The following SEMA3C variants were observed in gnomAD, a reference collection of about 807,000 sequenced individuals.
The protein encoded by SEMA3C is semaphorin-3C.
SEMA3C carries 47 observed loss-of-function variants against 89.4 expected under a neutral mutation model. The observed-to-expected ratio is 0.53, with a 90% confidence interval of 0.42 to 0.67. The LOEUF is 0.67. Among genes scored for constraint, SEMA3C ranks in the 30% least tolerant of loss-of-function variants. SEMA3C has a pLI of 0.00. For synonymous variants in SEMA3C, 310 were observed against 320.2 expected, an observed-to-expected ratio of 0.97 and a Z score of 0.34; for missense variants, 839 against 929.1, an observed-to-expected ratio of 0.90 and a Z score of 1.26.
At chr7:80,911,564 G>T (rs1206976562) in intron 2 of SEMA3C, among the ~76,000 whole-genome samples, 2 of 150,780 alleles carry the variant, frequency 1.3e-5, no homozygotes, top group African/African-American at 4.9e-5. Flanking sequence ...TTGATAAAGA[G>T]TTCAATTTAG....
chr7:80,824,133 G>A (rs1789817460), intron 4 of SEMA3C, among the ~76,000 whole-genome samples: 2 of 152,072 alleles, frequency 1.3e-5, no homozygotes, highest in Non-Finnish European at 2.9e-5. Flanking sequence ...AAATCTGAAG[G>A]ATTAAGGGAT....
intron 16 of SEMA3C, among the ~76,000 whole-genome samples, chr7:80,749,887 G>A (rs993616847): frequency 9.9e-5 from 15 of 152,034 alleles, no homozygotes; most frequent in Admixed American, 8.5e-4. Flanking sequence ...TTTGTTTGAT[G>A]TTACCTCCAC....
At chr7:80,913,231 T>C (rs1792194095) in intron 2 of SEMA3C, among the ~76,000 whole-genome samples, 1 of 152,018 alleles carries the variant, frequency 6.6e-6, no homozygotes, top group South Asian at 2.1e-4. Flanking sequence ...TGAAACCCTG[T>C]CTCTACTAAA....
chr7:80,805,460 T>C (rs921407899), intron 7 of SEMA3C, among the ~76,000 whole-genome samples, 179 bp downstream of exon 7: 1 of 152,128 alleles, frequency 6.6e-6, no homozygotes, highest in Non-Finnish European at 1.5e-5. Context: ...ATATGGACTA[T>C]GAGCTATTCA....
At position 80,802,683 on chromosome 7, in the gene SEMA3C, T is replaced by C. The variant is rs201887412; in HGVS notation, c.898A>G (p.Thr300Ala). ...TATGTACCTAATTCATCAAAGTGTG[T>C]TTCTGGGCCGTCTTCATCTGTTACC... Reference protein sequence around the residue: ...CSVTDEDGPETHFDELEDVFL... With the variant: ...CSVTDEDGPEAHFDELEDVFL... The change falls in exon 9 of 18, where the codon ACA (threonine) becomes GCA (alanine). Residue 300 changes from threonine to alanine, a missense_variant. Coordinates refer to ENST00000265361, the MANE Select transcript of SEMA3C (RefSeq NM_006379.5). 6.2e-7 allele frequency: 1 copy of C among 1,613,030 alleles called. No individual in the cohort carries two copies. The highest frequency in any genetic ancestry group is 2.2e-5 in the East Asian group (1 of 44,856).
At chr7:80,874,504 T>C (rs1233399106) in intron 2 of SEMA3C, among the ~76,000 whole-genome samples, 1 of 147,738 alleles carries the variant, frequency 6.8e-6, no homozygotes, top group Non-Finnish European at 1.5e-5. Context: ...TTCACTCTTG[T>C]TGCCCAGGCT....
intron 5 of SEMA3C, among the ~76,000 whole-genome samples, chr7:80,812,877 C>T (rs867020233): frequency 7.2e-5 from 11 of 151,882 alleles, no homozygotes; most frequent in Middle Eastern, 6.8e-3. Context: ...ACCTCCACAT[C>T]CCAGGTTCAA....
At chr7:80,836,403 C>A (rs768761085) in intron 2 of SEMA3C, among the ~76,000 whole-genome samples, 1 of 152,110 alleles carries the variant, frequency 6.6e-6, no homozygotes, top group African/African-American at 2.4e-5. Context: ...CAGTGCTGGG[C>A]GCGGTGGCTC....
intron 2 of SEMA3C, among the ~76,000 whole-genome samples, chr7:80,887,828 A>AGTCTAATATAT (rs1295531453): frequency 6.6e-5 from 10 of 152,206 alleles, no homozygotes; most frequent in Admixed American, 6.5e-4. Context: ...TGTTAGACAT[A>AGTCTAATATAT]GTCTAATATA....
At chr7:80,916,316 G>C (rs1792272760) in intron 2 of SEMA3C, among the ~76,000 whole-genome samples, 1 of 152,108 alleles carries the variant, frequency 6.6e-6, no homozygotes, top group African/African-American at 2.4e-5. Context: ...AGCTCTCTCT[G>C]CTGCTGAGGA....
In SEMA3C at chr7:80,749,902, A is replaced by T. The variant is rs572044802; in HGVS notation, c.1712-874T>A. Among the ~76,000 whole-genome samples the T allele has an allele frequency of 7.2e-5, 11 of 152,272 alleles. No individual in the cohort carries two copies. In the East Asian group the frequency reaches 2.1e-3, roughly 29 times the overall value. ...TTTGTTTGATGTTACCTCCACTGCC[A>T]TTATTCTTACCACTATGACAACTAC... On this transcript the variant is annotated intron_variant, in intron 16 of 17. Transcript: ENST00000265361.
At chr7:80,916,500 A>G (rs1019190878) in intron 2 of SEMA3C, among the ~76,000 whole-genome samples, 179 bp downstream of exon 2, 11 of 152,232 alleles carry the variant, frequency 7.2e-5, no homozygotes, top group African/African-American at 2.2e-4. Context: ...AATCCAACAG[A>G]GGATCTTTGT....
At chr7:80,840,210 T>C (rs887276916) in intron 2 of SEMA3C, among the ~76,000 whole-genome samples, 1 of 152,088 alleles carries the variant, frequency 6.6e-6, no homozygotes, top group Non-Finnish European at 1.5e-5. Flanking sequence ...GACATATATT[T>C]ATTCATTCAT....
intron 2 of SEMA3C, among the ~76,000 whole-genome samples, chr7:80,907,438 G>A (rs533583014): frequency 2.0e-5 from 3 of 151,876 alleles, no homozygotes; most frequent in African/African-American, 7.3e-5. Context: ...TTAATGTTCT[G>A]GTCTCTTGGA....
At chr7:80,815,147 A>C (rs550548756) in intron 5 of SEMA3C, among the ~76,000 whole-genome samples, 2 of 152,306 alleles carry the variant, frequency 1.3e-5, no homozygotes, top group East Asian at 3.9e-4. Flanking sequence ...TGGATTGAAC[A>C]ATGAGAGAAA....
chr7:80,873,681 T>A (rs1791127950), intron 2 of SEMA3C, among the ~76,000 whole-genome samples: 1 of 152,210 alleles, frequency 6.6e-6, no homozygotes, highest in South Asian at 2.1e-4. Context: ...TGCACAAACT[T>A]GTCGTATGCA....
At chr7:80,770,093 T>A (rs552180674) in intron 12 of SEMA3C, among the ~76,000 whole-genome samples, 27 of 152,266 alleles carry the variant, frequency 1.8e-4, no homozygotes, top group Non-Finnish European at 3.1e-4. Context: ...TTTCACTCAT[T>A]GATTCAACAA....
intron 2 of SEMA3C, among the ~76,000 whole-genome samples, chr7:80,870,800 C>T (rs1052841555): frequency 2.0e-5 from 3 of 152,176 alleles, no homozygotes; most frequent in African/African-American, 4.8e-5. Context: ...GAAAGAGACA[C>T]TTTAAAGAAA....
intron 2 of SEMA3C, chr7:80,915,639 G>A (rs1792252197): frequency 6.6e-6 from 1 of 151,856 alleles, no homozygotes; most frequent in African/African-American, 2.4e-5. Flanking sequence ...CTACTGGGTA[G>A]GCTGAGGAAG....
Sources: allele counts gnomAD v4.1 joint callset (sites outside exome capture counted in the v4.1 genomes callset), GRCh38; gene constraint gnomAD v4.1.1; transcripts MANE v1.5; gene names NCBI Gene and HGNC (gene_info 2026-07-23, HGNC 2026-07-21).